Variants in CELSR1 observed in about 807,000 individuals in gnomAD.
CELSR1 encodes adhesion G protein-coupled receptor C1.
In CELSR1, 110 loss-of-function variants were observed where a neutral mutation model predicts 249.1. The ratio of observed to expected loss-of-function variants is 0.44; its 90% confidence interval spans 0.38 to 0.52. CELSR1 has a LOEUF of 0.52. Among genes scored for constraint, CELSR1 ranks in the 20% least tolerant of loss-of-function variants. CELSR1 has a pLI of 0.00. For synonymous variants in CELSR1, 2,113 were observed against 1,900.0 expected, an observed-to-expected ratio of 1.11 and a Z score of -2.92; for missense variants, 4,109 against 4,296.4, an observed-to-expected ratio of 0.96 and a Z score of 1.22.
At chr22:46,365,031 C>T (rs551174872) in intron 32 of CELSR1, among the ~76,000 whole-genome samples, 200 bp downstream of exon 32, 4 of 152,330 alleles carry the variant, frequency 2.6e-5, no homozygotes, top group South Asian at 2.1e-4. Flanking sequence ...TTCCTGCCTC[C>T]GCTCAGGGGG....
chr22:46,457,107 G>A (rs935279934), intron 2 of CELSR1, among the ~76,000 whole-genome samples: 6 of 152,242 alleles, frequency 3.9e-5, no homozygotes, highest in African/African-American at 1.4e-4. Flanking sequence ...AGCACTTTGG[G>A]AGGCCGAGGC....
intron 25 of CELSR1, 122 bp from the exon 26 acceptor site, chr22:46,369,926 G>T (rs9627428): frequency 1.2e-6 from 1 of 826,018 alleles, no homozygotes; most frequent in Non-Finnish European, 2.0e-6. Flanking sequence ...AGAGGAAGGA[G>T]CAAGGAGTCC....
rs184641186 is a variant in CELSR1, at chr22:46,425,544, T to A, written c.4611+7849A>T. ...GTTTTTTGAGGAGTTGGTCCGTGCA[T>A]CTGGGTTTTAAATGTACACATGTAG... is the stretch of plus-strand genomic sequence containing the variant. On this transcript the variant is annotated intron_variant, in intron 5 of 34. Transcript: ENST00000674500. Among the ~76,000 whole-genome samples the A allele has an allele frequency of 3.1e-3, 466 of 152,318 alleles. 2 individuals are homozygous for A. The highest frequency in any genetic ancestry group is 0.011 in the African/African-American group (449 of 41,586).
intron 1 of CELSR1, among the ~76,000 whole-genome samples, chr22:46,508,413 G>A (rs963729364): frequency 6.6e-6 from 1 of 151,358 alleles, no homozygotes; most frequent in Non-Finnish European, 1.5e-5. Flanking sequence ...CCTGCGTGGT[G>A]GTCATCCCCA....
intron 5 of CELSR1, among the ~76,000 whole-genome samples, chr22:46,416,778 C>T (rs1268679346): frequency 1.3e-5 from 2 of 152,180 alleles, no homozygotes; most frequent in Non-Finnish European, 2.9e-5. Flanking sequence ...TTCTTCCCTG[C>T]GTGCAGGCCC....
At chr22:46,463,667 G>T in intron 2 of CELSR1, 40 bp downstream of exon 2, 1 of 1,479,668 alleles carries the variant, frequency 6.8e-7, no homozygotes, top group African/African-American at 1.4e-5. Context: ...ATGTGACCTG[G>T]GGACATGTAC....
At chr22:46,491,262 C>CTTTT (rs58492957) in intron 1 of CELSR1, among the ~76,000 whole-genome samples, 5 of 118,552 alleles carry the variant, frequency 4.2e-5, no homozygotes, top group African/African-American at 6.6e-5. Flanking sequence ...CAGAAAGTCA[C>CTTTT]TTTTTTTTTT....
intron 9 of CELSR1, among the ~76,000 whole-genome samples, chr22:46,405,721 T>G (rs750676060): frequency 2.0e-5 from 3 of 152,108 alleles, no homozygotes; most frequent in Non-Finnish European, 4.4e-5. Flanking sequence ...TCCAAATTGC[T>G]TGGGCTGTGG....
In CELSR1 at chr22:46,398,058, C is replaced by T. The variant is rs970895871; in HGVS notation, c.5527-210G>A. On this transcript the variant is annotated intron_variant, in intron 11 of 34. Transcript: ENST00000674500. This position sits in a 1 kb window ranked among gnomAD's most constrained non-coding sequence, Gnocchi z 7.2. Reference sequence around the variant, plus strand: ...GGCTGGGTGAGGAGCTCAGAGGGCACGCCAGCCTGAGCTCCTGGGGTGCGC... The same window carrying T: ...GGCTGGGTGAGGAGCTCAGAGGGCATGCCAGCCTGAGCTCCTGGGGTGCGC... 3.3e-5 allele frequency among the ~76,000 whole-genome samples: 5 copies of T among 152,226 alleles called. No homozygotes were observed. Among genetic ancestry groups the T allele is most frequent in the African/African-American group, 4.8e-5 (2 of 41,552 alleles).
chr22:46,445,005 C>T lies in CELSR1; in HGVS notation c.4184-5594G>A, dbSNP rs891979221. 4.0e-5 allele frequency among the ~76,000 whole-genome samples: 6 copies of T among 150,552 alleles called. No homozygotes were observed. Among genetic ancestry groups the T allele is most frequent in the Non-Finnish European group, 5.9e-5 (4 of 67,680 alleles). ...TGGATCACCTGAGATCAGGGGTTCG[C>T]GAGCCTGGCCAACATGGTGAAACCC... On this transcript the variant is annotated intron_variant, in intron 2 of 34. Transcript: ENST00000674500. The surrounding 1 kb of genome is among the most constrained non-coding windows in gnomAD (Gnocchi z 4.4).
At chr22:46,416,529 C>T (rs997267812) in intron 5 of CELSR1, among the ~76,000 whole-genome samples, 4 of 152,158 alleles carry the variant, frequency 2.6e-5, no homozygotes, top group Admixed American at 1.3e-4. Context: ...GGGCTGCCCA[C>T]GGTACCTCTA....
Position 46,408,249 on chromosome 22 carries a change from G to A in CELSR1, c.5226+747C>T, listed in dbSNP as rs2079288857. Among the ~76,000 whole-genome samples the A allele has an allele frequency of 6.6e-6, 1 of 152,218 alleles. No homozygotes were observed. The highest frequency in any genetic ancestry group is 2.1e-4 in the South Asian group (1 of 4,828). On this transcript the variant is annotated intron_variant, in intron 9 of 34. Transcript: ENST00000674500. This position sits in a 1 kb window ranked among gnomAD's most constrained non-coding sequence, Gnocchi z 4.6. ...AAGACAGAGAAAACAGGCAGACAGC[G>A]ACAGAGCGGGGCTTTAGGCATTTCT...
In CELSR1 at chr22:46,410,488, G is replaced by C; in HGVS notation, c.4843C>G (p.Arg1615Gly). The change falls in exon 7 of 35, where the codon CGG (arginine) becomes GGG (glycine). Residue 1615 changes from arginine to glycine, a missense_variant. Coordinates refer to ENST00000674500, the MANE Select transcript of CELSR1 (RefSeq NM_001378328.1). This position sits in a 1 kb window ranked among gnomAD's most constrained non-coding sequence, Gnocchi z 6.8. ...NLPEDFPVHN[R>G]QFVGCMRNLS... ...TTCCGCATGCAGCCCACGAACTGCC[G>C]GTTGTGCACTGGGAAGTCTTCTGGC... 1 of 1,614,084 alleles carries C rather than the reference G, an allele frequency of 6.2e-7. No individual in the cohort carries two copies. The highest frequency in any genetic ancestry group is 8.5e-7 in the Non-Finnish European group (1 of 1,180,014).
rs577979394 is a variant in CELSR1 at position 46,437,672 on chromosome 22, A to G, written c.4407-1383T>C. On this transcript the variant is annotated intron_variant, in intron 3 of 34. Transcript: ENST00000674500. The surrounding 1 kb of genome is among the most constrained non-coding windows in gnomAD (Gnocchi z 4.9). Reference sequence around the variant, plus strand: ...AGGTTGAGGCAGGAGAATTGCTTGAACCTGGGAGGCGGAAGTTGCAGTGAG... The same window carrying G: ...AGGTTGAGGCAGGAGAATTGCTTGAGCCTGGGAGGCGGAAGTTGCAGTGAG... Among the ~76,000 whole-genome samples, 108 of 150,510 alleles carry G rather than the reference A, an allele frequency of 7.2e-4. No homozygotes were observed. The highest frequency in any genetic ancestry group is 2.6e-3 in the African/African-American group (105 of 40,636).
intron 1 of CELSR1, among the ~76,000 whole-genome samples, chr22:46,502,353 G>A (rs1321467076): frequency 1.0e-5 from 1 of 98,020 alleles, no homozygotes; most frequent in Non-Finnish European, 2.1e-5. Context: ...GAGAGGAGGT[G>A]GGGAAAGTTG....
chr22:46,430,218 G>A lies in CELSR1; in HGVS notation c.4611+3175C>T, dbSNP rs554815289. Among the ~76,000 whole-genome samples the A allele has an allele frequency of 3.4e-4, 52 of 152,362 alleles. No homozygotes were observed. Among genetic ancestry groups the A allele is most frequent in the African/African-American group, 1.0e-3 (43 of 41,578 alleles). ...GAGACTGAAGAGAGGAGGGTGGGCAGCAGCGGCATGGCCCGCACCAATGCT... is the reference window on the plus strand; with the variant it reads ...GAGACTGAAGAGAGGAGGGTGGGCAACAGCGGCATGGCCCGCACCAATGCT... On this transcript the variant is annotated intron_variant, in intron 5 of 34. Transcript: ENST00000674500. This position sits in a 1 kb window ranked among gnomAD's most constrained non-coding sequence, Gnocchi z 4.6.
At position 46,484,014 on chromosome 22, in the gene CELSR1, G is replaced by A. The variant is rs553369531; in HGVS notation, c.3545-19669C>T. Among the ~76,000 whole-genome samples the A allele has an allele frequency of 6.6e-6, 1 of 152,324 alleles. No homozygotes were observed. Among genetic ancestry groups the A allele is most frequent in the South Asian group, 2.1e-4 (1 of 4,830 alleles). On this transcript the variant is annotated intron_variant, in intron 1 of 34. Transcript: ENST00000674500. The surrounding 1 kb of genome is among the most constrained non-coding windows in gnomAD (Gnocchi z 4.5). ...CCACATCCCTTGCCTCCAGGTAAAG[G>A]AGCACAACTGTCAATTTCACGGAGC...
Position 46,398,628 on chromosome 22 carries a change from C to A in CELSR1, c.5422G>T (p.Asp1808Tyr), listed in dbSNP as rs201358296. Residue 1808 changes from aspartate to tyrosine, a missense_variant, in exon 11 of 35, where the codon GAT becomes TAT. Around this residue, in one of 7 missense-constraint regions of CELSR1, gnomAD observed 1,805 missense variants for 1,831.6 expected, o/e 0.99. Transcript: ENST00000674500. This position sits in a 1 kb window ranked among gnomAD's most constrained non-coding sequence, Gnocchi z 7.2. ...LDYGMDQNKA[D>Y]IGGMLPGLTV... Reference sequence around the variant, plus strand: ...AGCCCGGGAAGCATGCCCCCGATATCTGCCTTGTTCTGTGCGGAGAGAGGG... The same window carrying A: ...AGCCCGGGAAGCATGCCCCCGATATATGCCTTGTTCTGTGCGGAGAGAGGG... The A allele has an allele frequency of 1.2e-4, 189 of 1,612,762 alleles. 1 individual carries two copies. The highest frequency in any genetic ancestry group is 1.6e-4 in the Non-Finnish European group (189 of 1,179,480).
Position 46,391,384 on chromosome 22 carries a change from C to A in CELSR1, c.6149-97G>T. 1 of 1,096,152 alleles carries A rather than the reference C, an allele frequency of 9.1e-7. No homozygotes were observed. 67.9% of individuals were successfully genotyped at this position (1,096,152 alleles called of 1,614,324 possible). ...CTGCATGCGCCTCCCTGCAGGAGGC[C>A]CTGCTCCCACCAAGAACCGAACCCT... is the stretch of plus-strand genomic sequence containing the variant. On this transcript the variant is annotated intron_variant, in intron 15 of 34. Coordinates refer to ENST00000674500, the MANE Select transcript of CELSR1 (RefSeq NM_001378328.1). This position sits in a 1 kb window ranked among gnomAD's most constrained non-coding sequence, Gnocchi z 4.3.
Sources: allele counts gnomAD v4.1 joint callset (sites outside exome capture counted in the v4.1 genomes callset), GRCh38; gene constraint gnomAD v4.1.1; regional missense constraint gnomAD v4.1.1; non-coding constraint Gnocchi (gnomAD v3.1); transcripts MANE v1.5; gene names NCBI Gene and HGNC (gene_info 2026-07-23, HGNC 2026-07-21).